The following GABRQ variants were observed in gnomAD, a reference collection of about 807,000 sequenced individuals.
GABRQ encodes gamma-aminobutyric acid receptor subunit theta.
In GABRQ, 19 loss-of-function variants were observed where a neutral mutation model predicts 30.5. That is an observed-to-expected ratio of 0.62 (90% CI 0.43 to 0.91). The LOEUF is 0.91. Ranked by LOEUF, GABRQ falls within the 40% of genes least tolerant of loss-of-function variation. The probability of loss-of-function intolerance (pLI) is 0.00; values close to 1 mark genes in which losing one functional copy is unlikely to be tolerated. For missense variants in GABRQ, 520 were observed against 521.4 expected, an observed-to-expected ratio of 1.00 and a Z score of 0.03; for synonymous variants, 187 against 210.2, an observed-to-expected ratio of 0.89 and a Z score of 0.95.
In GABRQ at chrX:152,654,119, C is replaced by G. The variant is rs1480303486; in HGVS notation, c.*838C>G. The G allele has an allele frequency of 1.8e-5, 2 of 112,080 alleles. No individual in the cohort carries two copies. Among genetic ancestry groups the G allele is most frequent in the East Asian group, 5.6e-4 (2 of 3,568 alleles). The allele number at this position is 112,080 out of a possible 1,213,427, so 9.2% of individuals were successfully genotyped here. ...TTCAGAACGCTTGGCAATAGAGACT[C>G]AATACATCTGTCTAAGTCAGGAGTT... On this transcript the variant is annotated 3_prime_UTR_variant, in exon 9 of 9. Coordinates refer to ENST00000598523, the MANE Select transcript of GABRQ (RefSeq NM_018558.4).
chrX:152,641,449 C>T (rs892397950), intron 2 of GABRQ, among the ~76,000 whole-genome samples: 9 of 113,234 alleles, frequency 7.9e-5, no homozygotes, highest in African/African-American at 2.9e-4. Context: ...TCTGGCTCCA[C>T]CCCAAGAAAA....
In GABRQ at chrX:152,649,326, A is replaced by G. The variant is rs1556819723; in HGVS notation, c.603A>G (p.Val201=). Residue 201 remains valine, a synonymous_variant, in exon 5 of 9, where the codon GTA becomes GTG. Coordinates refer to ENST00000598523, the MANE Select transcript of GABRQ (RefSeq NM_018558.4). ...PMDKQACNLV[V]ESYGYTVEDI... ...ACAAGCAGGCCTGCAACCTGGTGGT[A>G]GAGAGCTGTACGTATGTCTCCTATG... The G allele has an allele frequency of 1.8e-6, 2 of 1,119,615 alleles. No individual in the cohort carries two copies. The highest frequency in any genetic ancestry group is 2.5e-6 in the Non-Finnish European group (2 of 812,659). 92.3% of individuals were successfully genotyped at this position (1,119,615 alleles called of 1,213,427 possible). A position where few individuals can be genotyped will look rare whatever the true frequency, so the allele number is the denominator to read the frequency against.
rs1477052275 is a variant in GABRQ, at chrX:152,653,052, C to T, written c.1670C>T (p.Thr557Ile). 8.3e-7 allele frequency: 1 copy of T among 1,208,298 alleles called. No homozygotes were observed. Among genetic ancestry groups the T allele is most frequent in the Non-Finnish European group, 1.1e-6 (1 of 893,507 alleles). Residue 557 changes from threonine to isoleucine, a missense_variant, in exon 9 of 9, where the codon ACC becomes ATC. Coordinates refer to ENST00000598523, the MANE Select transcript of GABRQ (RefSeq NM_018558.4). ...KEQFKCDTNS[T>I]WGLNDDELMA... ...CAATTCAAGTGTGATACTAACAGTA[C>T]CTGGGGCCTTAATGATGATGAGCTC...
intron 3 of GABRQ, 101 bp from the exon 4 acceptor site, chrX:152,646,847 A>C (rs1286358399): frequency 1.9e-6 from 1 of 534,351 alleles, no homozygotes; most frequent in African/African-American, 2.3e-5. Context: ...ATACACTTGC[A>C]TACACAAGTG....
chrX:152,641,742 G>A (rs1001811277), intron 2 of GABRQ, among the ~76,000 whole-genome samples: 3 of 112,816 alleles, frequency 2.7e-5, no homozygotes, highest in African/African-American at 9.6e-5. Flanking sequence ...AAGGGATAAA[G>A]GTCTGGCCAT....
intron 4 of GABRQ, 63 bp from the exon 5 acceptor site, chrX:152,649,188 T>C: frequency 1.4e-6 from 1 of 738,205 alleles, no homozygotes; most frequent in Non-Finnish European, 2.2e-6. Flanking sequence ...TGCAGTTTCC[T>C]CAGCAATGGT....
At position 152,649,243 on chromosome X, in the gene GABRQ, C is replaced by A. The variant is rs370812571; in HGVS notation, c.528-8C>A. On this transcript the variant is annotated splice_polypyrimidine_tract_variant and splice_region_variant and intron_variant, in intron 4 of 8. Coordinates refer to ENST00000598523, the MANE Select transcript of GABRQ (RefSeq NM_018558.4). ...CACTTTCTCCTTCCTTTTTGTTTTC[C>A]TTTGCAGACTCACCACTACAGCAGC... 1.2e-3 allele frequency: 1,449 copies of A among 1,159,509 alleles called. 13 individuals carry two copies. The South Asian group carries it at 0.024, about 20-fold the overall frequency.
intron 2 of GABRQ, among the ~76,000 whole-genome samples, chrX:152,642,970 C>G (rs1250299443): frequency 1.4e-4 from 16 of 112,744 alleles, no homozygotes; most frequent in Non-Finnish European, 2.6e-4. Flanking sequence ...AACTGCATTT[C>G]AGCTCCCACT....
chrX:152,652,007 G>A (rs1556820332), intron 8 of GABRQ, among the ~76,000 whole-genome samples: 1 of 113,047 alleles, frequency 8.8e-6, no homozygotes, highest in Non-Finnish European at 1.9e-5. Flanking sequence ...AAGTGGCAGA[G>A]CTAAATTTCT....
chrX:152,650,567 C>G lies in GABRQ; in HGVS notation c.888C>G (p.Ala296=). 1 of 1,204,227 alleles carries G rather than the reference C, an allele frequency of 8.3e-7. No homozygotes were observed. The highest frequency in any genetic ancestry group is 2.3e-4 in the Middle Eastern group (1 of 4,321). Residue 296 remains alanine, a synonymous_variant, in exon 7 of 9, where the codon GCC becomes GCG. Coordinates refer to ENST00000598523, the MANE Select transcript of GABRQ (RefSeq NM_018558.4). ...GGATGAACTATGATTCCTCTGCAGC[C>G]AGGGTGACAATTGGTAGGTTCTGTC... is the stretch of plus-strand genomic sequence containing the variant. The part of the protein sequence containing the change: ...SFWMNYDSSA[A]RVTIGLTSML...
Position 152,656,920 on chromosome X carries a change from A to G in GABRQ, c.*3639A>G, listed in dbSNP as rs1931160580. On this transcript the variant is annotated 3_prime_UTR_variant, in exon 9 of 9. Coordinates refer to ENST00000598523, the MANE Select transcript of GABRQ (RefSeq NM_018558.4). ...GTGTCCTGTGATCAATATAAAATCT[A>G]TATTATCAGTGTTGGGTTTTCAGGG... 1 of 111,787 alleles carries G rather than the reference A, an allele frequency of 8.9e-6. No individual in the cohort carries two copies. Among genetic ancestry groups the G allele is most frequent in the African/African-American group, 3.3e-5 (1 of 30,738 alleles). The allele number at this position is 111,787 out of a possible 1,213,427, so 9.2% of individuals were successfully genotyped here.
At chrX:152,645,378 A>G (rs1556819052) in intron 2 of GABRQ, 149 bp from the exon 3 acceptor site, 1 of 435,065 alleles carries the variant, frequency 2.3e-6, no homozygotes, top group African/African-American at 2.4e-5. Flanking sequence ...CCATGAGGAG[A>G]TTAAGACTCA....
At chrX:152,639,378 G>GCGCACACACACA (rs202009485) in intron 1 of GABRQ, among the ~76,000 whole-genome samples, 1,295 of 103,348 alleles carry the variant, frequency 0.013, 17 homozygotes, top group African/African-American at 0.043. Flanking sequence ...ATGCGCGTGC[G>GCGCACACACACA]CACACACACA....
intron 2 of GABRQ, among the ~76,000 whole-genome samples, chrX:152,644,214 A>G (rs1322302570): frequency 9.0e-6 from 1 of 110,597 alleles, no homozygotes; most frequent in Non-Finnish European, 1.9e-5. Flanking sequence ...CACACTCACA[A>G]ATTCACTCAA....
intron 1 of GABRQ, among the ~76,000 whole-genome samples, chrX:152,640,172 G>GC (rs113990708): frequency 6.4e-5 from 7 of 110,018 alleles, no homozygotes; most frequent in Admixed American, 3.9e-4. Flanking sequence ...TGGGAAGGTG[G>GC]GGGGGGGAGG....
Position 152,652,914 on chromosome X carries a change from G to A in GABRQ, c.1532G>A (p.Gly511Asp), listed in dbSNP as rs1602827768. The A allele has an allele frequency of 2.5e-6, 3 of 1,212,021 alleles. No individual in the cohort carries two copies. In the East Asian group the frequency reaches 8.9e-5, roughly 36 times the overall value. ...NESLSSDERH[G>D]HGPSGKPMLH... is the part of the protein sequence containing the mutation. ...AGCTTGAGCTCGGATGAGCGCCATG[G>A]CCATGGCCCCAGTGGGAAGCCCATG... Residue 511 changes from glycine to aspartate, a missense_variant, in exon 9 of 9, where the codon GGC becomes GAC. Coordinates refer to ENST00000598523, the MANE Select transcript of GABRQ (RefSeq NM_018558.4).
intron 3 of GABRQ, 136 bp from the exon 4 acceptor site, chrX:152,646,812 C>G: frequency 2.1e-6 from 1 of 473,226 alleles, no homozygotes; most frequent in Non-Finnish European, 3.8e-6. Context: ...GTTTCACGCA[C>G]TTGTATATAG....
rs1931141699 is a variant in GABRQ, at chrX:152,655,986, C to T, written c.*2705C>T. ...CTATACCTTAAAAAGGATATCTTGC[C>T]CTGACGTGCTGCAATGAGAGCAGTT... On this transcript the variant is annotated 3_prime_UTR_variant, in exon 9 of 9. Transcript: ENST00000598523. The T allele has an allele frequency of 8.9e-6, 1 of 111,861 alleles. No individual in the cohort carries two copies. The highest frequency in any genetic ancestry group is 1.9e-5 in the Non-Finnish European group (1 of 53,153). The allele number at this position is 111,861 out of a possible 1,213,427, so 9.2% of individuals were successfully genotyped here.
At chrX:152,643,490 G>A (rs1930806910) in intron 2 of GABRQ, among the ~76,000 whole-genome samples, 1 of 112,351 alleles carries the variant, frequency 8.9e-6, no homozygotes, top group Non-Finnish European at 1.9e-5. Context: ...TGTAATACAT[G>A]GAGACTAAGG....
Sources: allele counts gnomAD v4.1 joint callset (sites outside exome capture counted in the v4.1 genomes callset), GRCh38; gene constraint gnomAD v4.1.1; transcripts MANE v1.5; gene names NCBI Gene and HGNC (gene_info 2026-07-23, HGNC 2026-07-21).